ANK2: variants seen among roughly 807,000 people sequenced by gnomAD.
ANK2 encodes the protein ankyrin 2, also known as ankyrin-2.
In ANK2, 83 loss-of-function variants were observed where a neutral mutation model predicts 360.5. The observed-to-expected ratio is 0.23, with a 90% CI of 0.19 to 0.28. The LOEUF (loss-of-function observed/expected upper bound fraction) is 0.28. ANK2 is among the 10% of genes least tolerant of loss of function. The probability of loss-of-function intolerance (pLI) is 1.00; values close to 1 mark genes in which losing one functional copy is unlikely to be tolerated. For synonymous variants in ANK2, 1,740 were observed against 1,759.5 expected (o/e 0.99, Z 0.28); for missense variants, 4,201 against 4,795.7 (o/e 0.88, Z 3.66).
At chr4:113,137,005 G>T (rs780461744) in intron 1 of ANK2, among the ~76,000 whole-genome samples, 1 of 151,790 alleles carries the variant, frequency 6.6e-6, no homozygotes, top group African/African-American at 2.4e-5. Context: ...TGATCCACCC[G>T]CCTTGGCCTC....
chr4:113,281,185 A>C (rs1161902228), intron 17 of ANK2, among the ~76,000 whole-genome samples: 1 of 152,172 alleles, frequency 6.6e-6, no homozygotes, highest in Admixed American at 6.5e-5. Flanking sequence ...AAATTCTCAA[A>C]ACACTTTTTT....
At chr4:113,108,498 G>A (rs1259961049) in intron 1 of ANK2, among the ~76,000 whole-genome samples, 3 of 152,094 alleles carry the variant, frequency 2.0e-5, no homozygotes, top group African/African-American at 7.2e-5. Flanking sequence ...CTCTTGCTGA[G>A]CATATAACTT....
intron 30 of ANK2, 189 bp downstream of exon 30, chr4:113,336,246 G>A: frequency 1.6e-6 from 1 of 619,180 alleles, no homozygotes; most frequent in Non-Finnish European, 2.6e-6. Context: ...CTTATATTTG[G>A]ACAATTAACC....
At chr4:112,756,377 T>A in the ANK2 span, among the ~76,000 whole-genome samples, 1 of 152,204 alleles carries the variant, frequency 6.6e-6, no homozygotes, top group Non-Finnish European at 1.5e-5. Context: ...AATTTGGTTA[T>A]CAATTCACGT....
At chr4:112,785,153 G>A in the ANK2 span, among the ~76,000 whole-genome samples, 3 of 152,144 alleles carry the variant, frequency 2.0e-5, no homozygotes, top group African/African-American at 7.2e-5. Flanking sequence ...GGCTGTGAAT[G>A]CAAATGATGG....
the ANK2 span, among the ~76,000 whole-genome samples, chr4:112,767,889 T>G: frequency 1.3e-5 from 2 of 152,230 alleles, 1 homozygote; most frequent in Non-Finnish European, 2.9e-5. Flanking sequence ...GAGATACCTT[T>G]TCCCATCTCT....
intron 1 of ANK2, among the ~76,000 whole-genome samples, chr4:113,117,997 A>C (rs1042778134): frequency 6.6e-6 from 1 of 152,100 alleles, no homozygotes; most frequent in African/African-American, 2.4e-5. Flanking sequence ...AATTTTAATT[A>C]ATTTTTTTGT....
the ANK2 span, among the ~76,000 whole-genome samples, chr4:112,791,124 A>G: frequency 1.6e-3 from 239 of 152,334 alleles, 1 homozygote; most frequent in African/African-American, 5.3e-3. Context: ...TGGAGGCAGC[A>G]GGAAGTAGAT....
At chr4:112,879,018 C>T (rs2075996564) in intron 1 of ANK2, among the ~76,000 whole-genome samples, 1 of 151,878 alleles carries the variant, frequency 6.6e-6, no homozygotes, top group Non-Finnish European at 1.5e-5. Flanking sequence ...GTAAGGAGCT[C>T]AGGAAAAATA....
chr4:112,760,312 G>C, the ANK2 span, among the ~76,000 whole-genome samples: 1 of 151,344 alleles, frequency 6.6e-6, no homozygotes, highest in Non-Finnish European at 1.5e-5. Flanking sequence ...TCAGCCTCCA[G>C]AGTAGCTGGG....
chr4:113,109,806 T>G (rs1399577556), intron 1 of ANK2, among the ~76,000 whole-genome samples: 2 of 152,202 alleles, frequency 1.3e-5, no homozygotes, highest in African/African-American at 4.8e-5. Context: ...TCTGAATACC[T>G]GGCTCCTATT....
chr4:113,321,098 C>T (rs1198690028), intron 26 of ANK2, among the ~76,000 whole-genome samples: 2 of 152,206 alleles, frequency 1.3e-5, no homozygotes, highest in African/African-American at 4.8e-5. Flanking sequence ...AATCCTGACA[C>T]TGACACTCGT....
At chr4:113,266,202 C>A (rs963088514) in intron 14 of ANK2, among the ~76,000 whole-genome samples, 2 of 152,090 alleles carry the variant, frequency 1.3e-5, no homozygotes, top group African/African-American at 2.4e-5. Flanking sequence ...TGAGAACATG[C>A]AGTGTTTGGT....
chr4:112,975,831 G>C (rs1391809800), intron 2 of ANK2, among the ~76,000 whole-genome samples: 2 of 152,080 alleles, frequency 1.3e-5, no homozygotes, highest in East Asian at 3.9e-4. Flanking sequence ...TAGAGCTCCA[G>C]TTCATTCCTT....
At chr4:113,057,042 T>C (rs904759626) in intron 1 of ANK2, among the ~76,000 whole-genome samples, 5 of 152,168 alleles carry the variant, frequency 3.3e-5, no homozygotes, top group African/African-American at 1.2e-4. Flanking sequence ...TTCCCCCAAT[T>C]CAACAATTGG....
At chr4:113,126,889 A>G (rs370196378) in intron 1 of ANK2, among the ~76,000 whole-genome samples, 1 of 152,208 alleles carries the variant, frequency 6.6e-6, no homozygotes, top group African/African-American at 2.4e-5. Context: ...ATATTTTGCC[A>G]TTGAAGGAAA....
chr4:113,110,640 A>G (rs1581871957), intron 1 of ANK2, among the ~76,000 whole-genome samples: 1 of 152,308 alleles, frequency 6.6e-6, no homozygotes, highest in East Asian at 1.9e-4. Flanking sequence ...CACCAGGTGA[A>G]AAATGACCAG....
intron 1 of ANK2, among the ~76,000 whole-genome samples, chr4:113,163,003 G>A: frequency 6.6e-6 from 1 of 151,828 alleles, no homozygotes; most frequent in Non-Finnish European, 1.5e-5. Context: ...TTTTCCAGTA[G>A]GTTTACATAT....
chr4:113,324,158 T>G (rs1046173571), intron 26 of ANK2, among the ~76,000 whole-genome samples: 7 of 152,184 alleles, frequency 4.6e-5, no homozygotes, highest in Admixed American at 3.3e-4. Flanking sequence ...ATTTTAGGGT[T>G]TTATTAAAGG....
Sources: gnomAD v4.1 joint callset for allele counts (sites outside exome capture counted in the v4.1 genomes callset) on GRCh38, gnomAD v4.1.1 for gene constraint, MANE v1.5 for transcripts, NCBI Gene and HGNC (gene_info 2026-07-23, HGNC 2026-07-21) for gene names.